The following MYO16 variants were observed in gnomAD, a reference collection of about 807,000 sequenced individuals.
The protein encoded by MYO16 is myosin XVI, also known as unconventional myosin-XVI.
MYO16 carries 94 observed loss-of-function variants against 205.3 expected under a neutral mutation model. The observed-to-expected ratio is 0.46, with a 90% CI of 0.39 to 0.54. The LOEUF (loss-of-function observed/expected upper bound fraction) is 0.54. MYO16 is among the 20% of genes least tolerant of loss of function. MYO16 has a pLI of 0.00. For missense variants in MYO16, 2,315 were observed against 2,387.5 expected (o/e 0.97, Z 0.63); for synonymous variants, 988 against 954.0 (o/e 1.04, Z -0.66).
intron 6 of MYO16, among the ~76,000 whole-genome samples, chr13:108,805,953 TA>T (rs1393781608): frequency 1.3e-5 from 2 of 151,136 alleles, no homozygotes; most frequent in Non-Finnish European, 2.9e-5. Flanking sequence ...AATAAATAAA[TA>T]AATAAAATTA....
intron 16 of MYO16, among the ~76,000 whole-genome samples, chr13:108,913,204 T>C (rs1334287928): frequency 6.6e-6 from 1 of 152,128 alleles, no homozygotes; most frequent in East Asian, 1.9e-4. Context: ...ATCTAATGGG[T>C]GCAAAACAAC....
At chr13:108,946,643 T>A (rs1882953024) in intron 16 of MYO16, among the ~76,000 whole-genome samples, 2 of 152,190 alleles carry the variant, frequency 1.3e-5, no homozygotes, top group South Asian at 4.1e-4. Flanking sequence ...TTTAAATGTA[T>A]GAATAAGTGA....
intron 1 of MYO16, among the ~76,000 whole-genome samples, chr13:108,642,516 C>T (rs9587642): frequency 0.026 from 3,956 of 152,232 alleles, 167 homozygotes; most frequent in African/African-American, 0.083. Flanking sequence ...GACCTTGGTT[C>T]AAGCGATTGT....
chr13:108,698,511 A>C (rs1883176873), intron 2 of MYO16, among the ~76,000 whole-genome samples: 1 of 152,186 alleles, frequency 6.6e-6, no homozygotes, highest in Non-Finnish European at 1.5e-5. Context: ...TATGAGCACT[A>C]AGACTCCCTG....
intron 32 of MYO16, among the ~76,000 whole-genome samples, chr13:109,154,911 G>GAAAAAAAAAAAAAAAA (rs59465499): frequency 1.4e-4 from 9 of 62,680 alleles, no homozygotes; most frequent in Admixed American, 4.0e-4. Flanking sequence ...GGCTAATTAT[G>GAAAAAAAAAAAAAAAA]AAAAAAAAAA....
At chr13:108,516,046 T>G in the MYO16 span, among the ~76,000 whole-genome samples, 36 of 144,090 alleles carry the variant, frequency 2.5e-4, no homozygotes, top group East Asian at 5.4e-3. Context: ...TAAGCAAGCC[T>G]GGGCAATGGC....
At chr13:108,848,613 A>T (rs186277333) in intron 10 of MYO16, among the ~76,000 whole-genome samples, 152 of 152,204 alleles carry the variant, frequency 1.0e-3, no homozygotes, top group Middle Eastern at 6.8e-3. Flanking sequence ...CCAGCCCGGC[A>T]ACATAGCAAA....
chr13:109,117,460 A>G (rs1443882787), intron 28 of MYO16, among the ~76,000 whole-genome samples: 1 of 147,292 alleles, frequency 6.8e-6, no homozygotes, highest in Non-Finnish European at 1.5e-5. Context: ...ATATATATGT[A>G]TGTGTATATA....
chr13:108,817,431 A>C (rs781025303), intron 7 of MYO16, among the ~76,000 whole-genome samples: 1 of 152,192 alleles, frequency 6.6e-6, no homozygotes, highest in African/African-American at 2.4e-5. Context: ...TCTGTGTTTT[A>C]TTTATCTGAA....
chr13:108,505,472 T>C, the MYO16 span, among the ~76,000 whole-genome samples: 1 of 152,238 alleles, frequency 6.6e-6, no homozygotes, highest in African/African-American at 2.4e-5. Flanking sequence ...TTGTATATCT[T>C]CTTTAGAGAA....
At chr13:108,758,074 T>A (rs757831956) in intron 4 of MYO16, among the ~76,000 whole-genome samples, 7 of 152,158 alleles carry the variant, frequency 4.6e-5, no homozygotes, top group Non-Finnish European at 1.0e-4. Flanking sequence ...AGCTGGCCCC[T>A]TCTGCCATGC....
chr13:109,069,177 C>G (rs554494217), intron 27 of MYO16, among the ~76,000 whole-genome samples: 1 of 152,292 alleles, frequency 6.6e-6, no homozygotes, highest in African/African-American at 2.4e-5. Flanking sequence ...ATTAAGTTCC[C>G]AGTGAGAAAG....
At chr13:108,734,511 A>C (rs116952014) in intron 4 of MYO16, among the ~76,000 whole-genome samples, 11 of 152,218 alleles carry the variant, frequency 7.2e-5, no homozygotes, top group African/African-American at 2.7e-4. Context: ...TATGTTGGAC[A>C]GAGTTTTTAC....
intron 1 of MYO16, among the ~76,000 whole-genome samples, chr13:108,604,570 A>G (rs1878882463): frequency 6.6e-6 from 1 of 152,216 alleles, no homozygotes; most frequent in African/African-American, 2.4e-5. Context: ...TGACAACACT[A>G]GCTCAAATAT....
chr13:108,825,880 A>G (rs1876235794), intron 9 of MYO16, among the ~76,000 whole-genome samples: 1 of 151,952 alleles, frequency 6.6e-6, no homozygotes, highest in Admixed American at 6.6e-5. Context: ...ACAACATAAG[A>G]AAAACAAAAT....
At position 109,156,179 on chromosome 13, in the gene MYO16, G is replaced by A. The variant is rs1005944050; in HGVS notation, c.5165-8722G>A. Among the ~76,000 whole-genome samples, 6 of 152,266 alleles carry A rather than the reference G, an allele frequency of 3.9e-5. No individual in the cohort carries two copies. In the South Asian group the frequency reaches 1.2e-3, roughly 32 times the overall value. ...AGATTTGGTTTAACACAAGCTAGAC[G>A]CCAATTTCAGGTCGAAGTGCTTGTA... On this transcript the variant is annotated intron_variant, in intron 32 of 34. Transcript: ENST00000457511.
chr13:109,097,007 T>C (rs1888798935), intron 27 of MYO16, among the ~76,000 whole-genome samples: 1 of 152,170 alleles, frequency 6.6e-6, no homozygotes, highest in African/African-American at 2.4e-5. Flanking sequence ...TCAGACATTA[T>C]CAAACCTAAC....
At chr13:108,647,374 T>A (rs1363401459) in intron 1 of MYO16, among the ~76,000 whole-genome samples, 1 of 152,158 alleles carries the variant, frequency 6.6e-6, no homozygotes, top group Non-Finnish European at 1.5e-5. Flanking sequence ...GACTCCACTA[T>A]TTTTTTGTAA....
At chr13:108,948,324 A>G (rs1328020100) in intron 16 of MYO16, among the ~76,000 whole-genome samples, 1 of 152,260 alleles carries the variant, frequency 6.6e-6, no homozygotes, top group African/African-American at 2.4e-5. Flanking sequence ...GTATTCGCAC[A>G]GCAGATAAAA....
Sources: allele counts gnomAD v4.1 joint callset (sites outside exome capture counted in the v4.1 genomes callset), GRCh38; gene constraint gnomAD v4.1.1; transcripts MANE v1.5; gene names NCBI Gene and HGNC (gene_info 2026-07-23, HGNC 2026-07-21).